LIPH: variants seen among roughly 807,000 people sequenced by gnomAD.
LIPH encodes the protein lipase member H.
A neutral mutation model predicts 47.6 loss-of-function variants in LIPH; 32 were observed. The observed-to-expected ratio is 0.67, with a 90% confidence interval of 0.51 to 0.90. LIPH has a LOEUF of 0.90. Among genes scored for constraint, LIPH ranks in the 40% least tolerant of loss-of-function variants. The probability of loss-of-function intolerance (pLI) is 0.00; values close to 1 mark genes in which losing one functional copy is unlikely to be tolerated. For synonymous variants in LIPH, 190 were observed against 195.6 expected (o/e 0.97, Z 0.24); for missense variants, 497 against 541.4 (o/e 0.92, Z 0.81).
intron 1 of LIPH, among the ~76,000 whole-genome samples, chr3:185,544,740 T>G (rs113182947): frequency 1.0e-3 from 155 of 152,334 alleles, no homozygotes; most frequent in Non-Finnish European, 2.0e-3. Context: ...AACTCCCCAC[T>G]GATGTAGAAG....
At chr3:185,544,070 C>T (rs1444710499) in intron 1 of LIPH, among the ~76,000 whole-genome samples, 2 of 151,838 alleles carry the variant, frequency 1.3e-5, no homozygotes, top group African/African-American at 4.8e-5. Context: ...AGGCTGGTCT[C>T]GAACTCCTGA....
intron 8 of LIPH, among the ~76,000 whole-genome samples, chr3:185,512,487 C>CTTT (rs549114120): frequency 1.5e-5 from 2 of 130,962 alleles, no homozygotes; most frequent in Non-Finnish European, 3.2e-5. Context: ...GACATTAATC[C>CTTT]TTTTTTTTTT....
intron 6 of LIPH, 94 bp from the exon 7 acceptor site, chr3:185,517,256 C>T (rs1364857789): frequency 3.9e-6 from 3 of 763,130 alleles, no homozygotes; most frequent in South Asian, 2.8e-5. Context: ...TGACTGTATC[C>T]ACCACTTCTG....
At chr3:185,511,787 A>G (rs1343358388) in intron 8 of LIPH, 90 bp from the exon 9 acceptor site, 3 of 914,508 alleles carry the variant, frequency 3.3e-6, no homozygotes, top group Non-Finnish European at 3.6e-6. Flanking sequence ...GTAAGCTGGT[A>G]ACTATTTCAC....
intron 1 of LIPH, among the ~76,000 whole-genome samples, chr3:185,539,525 C>T (rs1329388205): frequency 2.0e-5 from 3 of 151,678 alleles, no homozygotes; most frequent in Non-Finnish European, 4.4e-5. Flanking sequence ...TGCCCGCCAC[C>T]ACGCTAAGCT....
At chr3:185,541,450 G>A (rs1408961435) in intron 1 of LIPH, among the ~76,000 whole-genome samples, 1 of 149,022 alleles carries the variant, frequency 6.7e-6, no homozygotes, top group Non-Finnish European at 1.5e-5. Context: ...TGTCACCCAG[G>A]CTGGAGTGCA....
At chr3:185,528,138 C>T (rs1394903165) in intron 3 of LIPH, among the ~76,000 whole-genome samples, 2 of 151,054 alleles carry the variant, frequency 1.3e-5, no homozygotes, top group Admixed American at 6.6e-5. Flanking sequence ...GCAGGAGGAT[C>T]GCTTGAACCC....
chr3:185,551,791 G>A (rs908218399), intron 1 of LIPH, among the ~76,000 whole-genome samples: 2 of 151,900 alleles, frequency 1.3e-5, no homozygotes, highest in Non-Finnish European at 2.9e-5. Flanking sequence ...TACCTAAAAA[G>A]GTTGCAAAGT....
chr3:185,528,471 T>G (rs1318208823), intron 3 of LIPH, among the ~76,000 whole-genome samples: 1 of 152,164 alleles, frequency 6.6e-6, no homozygotes, highest in African/African-American at 2.4e-5. Context: ...GCTAGCCCCT[T>G]TGATCCATGT....
In LIPH at chr3:185,514,423, A is replaced by G. The variant is rs1345221832; in HGVS notation, c.1081T>C (p.Ser361Pro). ...AACTCAACTTACTGATTGATTTTGG[A>G]TTCTGTGGTGTTTCCAGCTTTGTCT... ...LRDKAGNTTE[S>P]KINHEPTTFQ... is the part of the protein sequence containing the mutation. The change falls in exon 8 of 10, where the codon TCC becomes CCC. Residue 361 changes from serine to proline, a missense_variant. Coordinates refer to ENST00000296252, the MANE Select transcript of LIPH (RefSeq NM_139248.3). 2 of 1,500,450 alleles carry G rather than the reference A, an allele frequency of 1.3e-6. No homozygotes were observed. Among genetic ancestry groups the G allele is most frequent in the Non-Finnish European group, 1.9e-6 (2 of 1,076,126 alleles). The allele number at this position is 1,500,450 out of a possible 1,614,324, so 92.9% of individuals were successfully genotyped here. A position where few individuals can be genotyped will look rare whatever the true frequency, so the allele number is the denominator to read the frequency against.
chr3:185,521,545 C>G (rs896441372), intron 5 of LIPH, among the ~76,000 whole-genome samples: 1 of 152,144 alleles, frequency 6.6e-6, no homozygotes, highest in African/African-American at 2.4e-5. Flanking sequence ...CAGATTCCTG[C>G]CACATTTTTC....
Position 185,508,519 on chromosome 3 carries a change from C to A in LIPH, c.*271G>T. 2.2e-6 allele frequency: 1 copy of A among 459,458 alleles called. No homozygotes were observed. The highest frequency in any genetic ancestry group is 4.0e-6 in the Non-Finnish European group (1 of 249,822). 28.5% of individuals were successfully genotyped at this position (459,458 alleles called of 1,614,324 possible). On this transcript the variant is annotated 3_prime_UTR_variant, in exon 10 of 10. Coordinates refer to ENST00000296252, the MANE Select transcript of LIPH (RefSeq NM_139248.3). Reference sequence around the variant, plus strand: ...AGGCAGCAGAATTGACAGGTCGGAACAAGGGAGGCCCCAGGACACAGCAGA... The same window carrying A: ...AGGCAGCAGAATTGACAGGTCGGAAAAAGGGAGGCCCCAGGACACAGCAGA...
chr3:185,516,237 A>G (rs1025977836), intron 7 of LIPH, among the ~76,000 whole-genome samples: 2 of 152,130 alleles, frequency 1.3e-5, no homozygotes, highest in Admixed American at 1.3e-4. Context: ...GTTTGAGACC[A>G]GCCTGGCCAA....
Position 185,511,625 on chromosome 3 carries a change from C to T in LIPH, c.1167G>A (p.Val389=), listed in dbSNP as rs779181319. ...LARFNQDLDK[V]AAISLMFSTG... ...TAGAGAACATCAAGGAAATTGCAGC[C>T]ACTTTATCCAGATCTTGATTAAATC... Residue 389 remains valine (V), a synonymous_variant, in exon 9 of 10, where the codon GTG becomes GTA. Coordinates refer to ENST00000296252, the MANE Select transcript of LIPH (RefSeq NM_139248.3). The T allele has an allele frequency of 6.2e-6, 10 of 1,613,148 alleles. No individual in the cohort carries two copies. Among genetic ancestry groups the T allele is most frequent in the African/African-American group, 1.3e-5 (1 of 74,890 alleles).
chr3:185,542,194 CAG>C (rs1720735786), intron 1 of LIPH, among the ~76,000 whole-genome samples: 1 of 152,156 alleles, frequency 6.6e-6, no homozygotes, highest in South Asian at 2.1e-4. Flanking sequence ...CAGCTGAGGT[CAG>C]AGAGAGCAAC....
chr3:185,535,196 G>A (rs1720468246), intron 1 of LIPH, 64 bp from the exon 2 acceptor site: 2 of 1,568,622 alleles, frequency 1.3e-6, no homozygotes, highest in African/African-American at 1.3e-5. Flanking sequence ...AAGCAAGAGT[G>A]CTGTTCTATA....
intron 1 of LIPH, among the ~76,000 whole-genome samples, chr3:185,538,124 G>A (rs1402302252): frequency 6.6e-6 from 1 of 152,120 alleles, no homozygotes; most frequent in East Asian, 1.9e-4. Context: ...TTTCTTTTAA[G>A]TCTTAGTTAT....
chr3:185,508,938 A>T, intron 9 of LIPH, 61 bp from the exon 10 acceptor site: 1 of 960,374 alleles, frequency 1.0e-6, no homozygotes, highest in African/African-American at 1.6e-5. Context: ...TGGTCTAGTA[A>T]ATAATATTAT....
Position 185,538,304 on chromosome 3 carries a change from T to C in LIPH, c.50-3172A>G, listed in dbSNP as rs555564754. On this transcript the variant is annotated intron_variant, in intron 1 of 9. Transcript: ENST00000296252. ...AGAATCTACTCTATCCTAGATTCTATGTCAGGTGGCATTTTAGAGGAAGAA... is the reference window on the plus strand; with the variant it reads ...AGAATCTACTCTATCCTAGATTCTACGTCAGGTGGCATTTTAGAGGAAGAA... 3.7e-4 allele frequency among the ~76,000 whole-genome samples: 56 copies of C among 152,352 alleles called. No homozygotes were observed. In the Middle Eastern group the frequency reaches 0.014, roughly 37 times the overall value.
Sources: gnomAD v4.1 joint callset for allele counts (sites outside exome capture counted in the v4.1 genomes callset) on GRCh38, gnomAD v4.1.1 for gene constraint, MANE v1.5 for transcripts, NCBI Gene and HGNC (gene_info 2026-07-23, HGNC 2026-07-21) for gene names.